The following RORA variants were observed in gnomAD, a reference collection of about 807,000 sequenced individuals.
The protein encoded by RORA is nuclear receptor ROR-alpha.
A neutral mutation model predicts 69.5 loss-of-function variants in RORA; 7 were observed. The observed-to-expected ratio is 0.10, with a 90% CI of 0.06 to 0.19. The LOEUF (loss-of-function observed/expected upper bound fraction) is 0.19. Ranked by LOEUF, RORA falls within the 10% of genes least tolerant of loss-of-function variation. RORA has a pLI of 1.00. For missense variants in RORA, 457 were observed against 663.0 expected (o/e 0.69, Z 3.41); for synonymous variants, 261 against 240.8 (o/e 1.08, Z -0.78).
chr15:60,566,610 A>C (rs780661043), intron 2 of RORA, among the ~76,000 whole-genome samples: 3 of 152,262 alleles, frequency 2.0e-5, no homozygotes, highest in Non-Finnish European at 4.4e-5. Flanking sequence ...GGAGATGACT[A>C]GATGAATACA....
chr15:61,189,484 C>T (rs1165143725), intron 1 of RORA, among the ~76,000 whole-genome samples: 1 of 152,054 alleles, frequency 6.6e-6, no homozygotes, highest in African/African-American at 2.4e-5. Flanking sequence ...GGAGAAGGAG[C>T]CCTGTGGGGC....
intron 1 of RORA, among the ~76,000 whole-genome samples, chr15:60,858,254 C>G (rs1053307638): frequency 7.9e-5 from 12 of 152,152 alleles, no homozygotes; most frequent in African/African-American, 2.9e-4. Context: ...AGTACCTGCC[C>G]TAATTATTTG....
intron 1 of RORA, among the ~76,000 whole-genome samples, chr15:60,949,443 C>T (rs1033167681): frequency 1.3e-5 from 2 of 152,192 alleles, no homozygotes; most frequent in African/African-American, 4.8e-5. Context: ...CCACTCCATT[C>T]AGCGCCCAGT....
chr15:60,662,621 A>G (rs775567749), intron 2 of RORA, among the ~76,000 whole-genome samples: 16 of 147,602 alleles, frequency 1.1e-4, no homozygotes, highest in Non-Finnish European at 2.1e-4. Flanking sequence ...AGAAATCCTA[A>G]CGAAGAACCT....
intron 1 of RORA, among the ~76,000 whole-genome samples, chr15:61,020,252 C>T (rs1014268202): frequency 6.6e-6 from 1 of 152,176 alleles, no homozygotes; most frequent in Non-Finnish European, 1.5e-5. Context: ...CACTTAGCTT[C>T]CCACCTCTGT....
At chr15:60,777,099 G>C (rs1291249964) in intron 1 of RORA, among the ~76,000 whole-genome samples, 1 of 152,146 alleles carries the variant, frequency 6.6e-6, no homozygotes, top group African/African-American at 2.4e-5. Context: ...CTCCTTACAA[G>C]CTGTCCCATA....
At chr15:61,030,978 T>A (rs546202204) in intron 1 of RORA, among the ~76,000 whole-genome samples, 1 of 152,322 alleles carries the variant, frequency 6.6e-6, no homozygotes, top group African/African-American at 2.4e-5. Flanking sequence ...GTATATTTCA[T>A]TTTAATTAAA....
intron 1 of RORA, among the ~76,000 whole-genome samples, chr15:61,019,906 C>T (rs1895445924): frequency 1.3e-5 from 2 of 152,198 alleles, no homozygotes; most frequent in Non-Finnish European, 2.9e-5. Flanking sequence ...CAAAAAGCTT[C>T]TTCTGATTTC....
chr15:61,105,975 T>G (rs2078944921), intron 1 of RORA, among the ~76,000 whole-genome samples: 1 of 152,194 alleles, frequency 6.6e-6, no homozygotes, highest in Admixed American at 6.5e-5. Context: ...AAACACAGGT[T>G]TATCTTCATA....
chr15:61,175,282 T>C (rs894273694), intron 1 of RORA, among the ~76,000 whole-genome samples: 27 of 151,980 alleles, frequency 1.8e-4, no homozygotes, highest in Admixed American at 1.0e-3. Flanking sequence ...ATTTAGGAAA[T>C]AGTACAAGGC....
intron 1 of RORA, among the ~76,000 whole-genome samples, chr15:60,954,302 G>C (rs1278107567): frequency 8.2e-6 from 1 of 121,788 alleles, no homozygotes; most frequent in African/African-American, 3.1e-5. Context: ...TGGGGTGGGG[G>C]GTGGGGGGAG....
chr15:60,949,822 C>A (rs1486363930), intron 1 of RORA, among the ~76,000 whole-genome samples: 3 of 152,132 alleles, frequency 2.0e-5, no homozygotes, highest in Non-Finnish European at 4.4e-5. Context: ...CATTTCATAC[C>A]ATCTGTTATG....
intron 1 of RORA, among the ~76,000 whole-genome samples, chr15:60,930,834 TC>T (rs1397753701): frequency 6.6e-6 from 1 of 152,214 alleles, no homozygotes; most frequent in Non-Finnish European, 1.5e-5. Flanking sequence ...ATCATTTATC[TC>T]TGAGCCAAGA....
At chr15:60,906,646 G>C (rs1222621270) in intron 1 of RORA, among the ~76,000 whole-genome samples, 1 of 152,116 alleles carries the variant, frequency 6.6e-6, no homozygotes, top group African/African-American at 2.4e-5. Context: ...GCAAACAAGT[G>C]ATTTAAGGAA....
At chr15:60,987,130 G>A (rs1595862973) in intron 1 of RORA, among the ~76,000 whole-genome samples, 1 of 152,168 alleles carries the variant, frequency 6.6e-6, no homozygotes, top group Admixed American at 6.5e-5. Context: ...GCTGAGGTCA[G>A]CTGGGTAGAC....
chr15:60,678,221 A>T (rs898503382), intron 2 of RORA: 1 of 153,914 alleles, frequency 6.5e-6, no homozygotes, highest in African/African-American at 2.4e-5. Context: ...CCCAGTCAGC[A>T]TCTCTGCTCC....
chr15:60,834,749 A>G (rs1595752974), intron 1 of RORA, among the ~76,000 whole-genome samples: 1 of 152,152 alleles, frequency 6.6e-6, no homozygotes, highest in South Asian at 2.1e-4. Context: ...GTTGAGGGGA[A>G]GTCATTTTGT....
intron 1 of RORA, among the ~76,000 whole-genome samples, chr15:60,986,023 TG>T (rs1385406742): frequency 1.3e-4 from 20 of 152,104 alleles, no homozygotes; most frequent in African/African-American, 4.8e-4. Context: ...GAAAAGTCCC[TG>T]GGCCCTAAGA....
chr15:60,533,489 T>G (rs904046731), intron 2 of RORA, among the ~76,000 whole-genome samples: 1 of 152,042 alleles, frequency 6.6e-6, no homozygotes, highest in South Asian at 2.1e-4. Context: ...AAAAATTCTT[T>G]ATGAAATATG....
Sources: gnomAD v4.1 joint callset for allele counts (sites outside exome capture counted in the v4.1 genomes callset) on GRCh38, gnomAD v4.1.1 for gene constraint, MANE v1.5 for transcripts, NCBI Gene and HGNC (gene_info 2026-07-23, HGNC 2026-07-21) for gene names.